Variants in SNURF observed in about 807,000 individuals in gnomAD.
The protein encoded by SNURF is SNURF protein.
A neutral mutation model predicts 11.6 loss-of-function variants in SNURF; 6 were observed. That is an observed-to-expected ratio of 0.52 (90% CI 0.28 to 1.02). The LOEUF (loss-of-function observed/expected upper bound fraction) is 1.02. SNURF is among the 50% of genes least tolerant of loss of function. The probability of loss-of-function intolerance (pLI) is 0.09; values close to 1 mark genes in which losing one functional copy is unlikely to be tolerated. For missense variants in SNURF, 84 were observed against 88.4 expected, an observed-to-expected ratio of 0.95 and a Z score of 0.20; for synonymous variants, 29 against 31.6, an observed-to-expected ratio of 0.92 and a Z score of 0.27.
At chr15:24,969,883 C>A (rs571834137), downstream of SNURF, among the ~76,000 whole-genome samples, 1 of 152,154 alleles carries the variant, frequency 6.6e-6, no homozygotes, top group Non-Finnish European at 1.5e-5. Flanking sequence ...ATTATGTTAT[C>A]TTTGGCCACA....
chr15:24,960,592 C>T (rs1339033210), intron 1 of SNURF, among the ~76,000 whole-genome samples: 3 of 152,090 alleles, frequency 2.0e-5, no homozygotes, highest in Admixed American at 1.3e-4. Flanking sequence ...TGAACCATTG[C>T]GCCCTGCCTC....
chr15:24,977,255 C>G (rs1269640419), intron 6 of SNURF, among the ~76,000 whole-genome samples: 1 of 152,108 alleles, frequency 6.6e-6, no homozygotes, highest in Admixed American at 6.5e-5. Context: ...TAACTTGCCA[C>G]TAGTGGTGAG....
intron 2 of SNURF, among the ~76,000 whole-genome samples, chr15:24,962,614 T>G (rs1333706623): frequency 6.6e-6 from 1 of 152,208 alleles, no homozygotes; most frequent in East Asian, 1.9e-4. Flanking sequence ...AGTGCATTTA[T>G]TCTGTTAAAA....
At chr15:24,974,798 A>C in intron 3 of SNURF, 1 of 638,920 alleles carries the variant, frequency 1.6e-6, no homozygotes, top group East Asian at 2.7e-5. Flanking sequence ...ACCTCTGGTG[A>C]TCCACCCACC....
downstream of SNURF, chr15:24,978,089 CTA>C (rs1251943600): frequency 3.9e-6 from 5 of 1,294,824 alleles, no homozygotes; most frequent in Non-Finnish European, 3.3e-6. Context: ...TTATTTGACT[CTA>C]TCATTGTTGT....
downstream of SNURF, among the ~76,000 whole-genome samples, chr15:24,969,765 A>G (rs1427848474): frequency 1.3e-5 from 2 of 152,194 alleles, no homozygotes; most frequent in African/African-American, 4.8e-5. Flanking sequence ...AGTTCTACCT[A>G]AATAGTACCC....
At position 24,974,462 on chromosome 15, in the gene SNURF, C is replaced by G. The variant is rs573573776; in HGVS notation, c.*46-896C>G. 22 of 1,613,478 alleles carry G rather than the reference C, an allele frequency of 1.4e-5. No homozygotes were observed. The highest frequency in any genetic ancestry group is 1.8e-5 in the Non-Finnish European group (21 of 1,179,624). ...TTGGTGGAACAGCAATCATGGTAAG[C>G]TGTATGATAAGGCTGAGGGTTGAAA... On this transcript the variant is annotated intron_variant and NMD_transcript_variant, in intron 3 of 6. Transcript: ENST00000580062.
chr15:24,974,061 T>C (rs570550435), intron 3 of SNURF, among the ~76,000 whole-genome samples: 4 of 152,298 alleles, frequency 2.6e-5, no homozygotes, highest in African/African-American at 9.6e-5. Context: ...AAAATGACGC[T>C]TAGTTTTTGA....
chr15:24,970,251 T>A (rs143582101), downstream of SNURF, among the ~76,000 whole-genome samples: 338 of 152,270 alleles, frequency 2.2e-3, no homozygotes, highest in African/African-American at 7.8e-3. Context: ...ATTAAAAATG[T>A]AAGGCACACG....
exon 3 of SNURF, chr15:24,968,155 A>G (rs947993816): frequency 1.8e-5 from 16 of 867,466 alleles, no homozygotes; most frequent in East Asian, 1.6e-4. Context: ...TCTCTTAATT[A>G]TCAGTGACAC....
chr15:24,971,895 T>G (rs1203534602), downstream of SNURF, among the ~76,000 whole-genome samples: 1 of 152,206 alleles, frequency 6.6e-6, no homozygotes, highest in Non-Finnish European at 1.5e-5. Context: ...GTCTTGCTCA[T>G]TCACAGTCAT....
intron 1 of SNURF, chr15:24,959,006 C>T (rs2074344014): frequency 6.6e-6 from 1 of 152,210 alleles, no homozygotes; most frequent in Non-Finnish European, 1.5e-5. Context: ...CCATGAGCCG[C>T]TATACCTGGC....
chr15:24,955,133 A>G (rs987757416), intron 1 of SNURF, 71 bp downstream of exon 1: 1 of 1,602,620 alleles, frequency 6.2e-7, no homozygotes, highest in Non-Finnish European at 8.5e-7. Context: ...CAGATATTCC[A>G]AGTTTTTAGG....
chr15:24,971,519 C>T (rs538714826), downstream of SNURF, among the ~76,000 whole-genome samples: 2 of 151,706 alleles, frequency 1.3e-5, no homozygotes, highest in South Asian at 2.1e-4. Flanking sequence ...TCTAGCTATA[C>T]AGGTTATTAT....
chr15:24,978,412 C>T (rs199833583), downstream of SNURF: 1 of 1,613,926 alleles, frequency 6.2e-7, no homozygotes. Flanking sequence ...TCCAGGTCCA[C>T]CTCCCCCAGG....
At chr15:24,963,404 C>T (rs2075144921) in intron 2 of SNURF, among the ~76,000 whole-genome samples, 2 of 152,058 alleles carry the variant, frequency 1.3e-5, no homozygotes, top group Non-Finnish European at 2.9e-5. Context: ...ATCACAAGGT[C>T]AGGAGTTCGA....
At chr15:24,969,589 G>A (rs2076144040), downstream of SNURF, among the ~76,000 whole-genome samples, 1 of 151,718 alleles carries the variant, frequency 6.6e-6, no homozygotes, top group African/African-American at 2.4e-5. Flanking sequence ...TTGAATAGGT[G>A]TGCACAACTG....
At chr15:24,970,057 T>C (rs2076204810), downstream of SNURF, among the ~76,000 whole-genome samples, 1 of 152,192 alleles carries the variant, frequency 6.6e-6, no homozygotes, top group South Asian at 2.1e-4. Context: ...CCAGTCAATA[T>C]AGTCATAATG....
intron 2 of SNURF, among the ~76,000 whole-genome samples, chr15:24,966,445 G>A (rs1325482276): frequency 1.3e-5 from 2 of 152,082 alleles, no homozygotes; most frequent in Non-Finnish European, 2.9e-5. Flanking sequence ...TTTTGTTGGG[G>A]ATTCATTATG....
Sources: allele counts gnomAD v4.1 joint callset (sites outside exome capture counted in the v4.1 genomes callset), GRCh38; gene constraint gnomAD v4.1.1; transcripts MANE v1.5; gene names NCBI Gene and HGNC (gene_info 2026-07-23, HGNC 2026-07-21).